Variants in UGT1A5 observed in about 807,000 individuals in gnomAD.
UGT1A5 encodes UDP glucuronosyltransferase family 1 member A5.
In UGT1A5, 29 loss-of-function variants were observed where a neutral mutation model predicts 40.3. The observed-to-expected ratio is 0.72, with a 90% CI of 0.54 to 0.98. The LOEUF is 0.98. UGT1A5 is among the 50% of genes least tolerant of loss of function. The pLI, the probability that UGT1A5 is intolerant of heterozygous loss-of-function variation, is 0.00. For synonymous variants in UGT1A5, 257 were observed against 262.5 expected (o/e 0.98, Z 0.20); for missense variants, 678 against 677.9 (o/e 1.00, Z 0.00).
At position 233,747,709 on chromosome 2, in the gene UGT1A5, C is replaced by G. The variant is rs1194057066; in HGVS notation, c.868-19325C>G. On this transcript the variant is annotated intron_variant, in intron 1 of 4. Transcript: ENST00000373414. ...GGGGCAGTGCTGGCTAAGTACCTAT[C>G]AATTCCTGCTGTGTTTTTTTTGAGG... 13 of 1,612,750 alleles carry G rather than the reference C, an allele frequency of 8.1e-6. No individual in the cohort carries two copies. The African/African-American group carries it at 1.5e-4, about 18-fold the overall frequency.
chr2:233,755,190 G>A, intron 1 of UGT1A5: 9 of 1,160,210 alleles, frequency 7.8e-6, no homozygotes, highest in Non-Finnish European at 7.2e-6. Context: ...CCACTTGAGC[G>A]CCAGCTTGCG....
intron 1 of UGT1A5, among the ~76,000 whole-genome samples, chr2:233,735,445 G>A (rs1440470115): frequency 6.6e-6 from 1 of 152,036 alleles, no homozygotes; most frequent in Non-Finnish European, 1.5e-5. Flanking sequence ...GCATACCGAT[G>A]GGCCTTGACT....
rs542562674 is a variant in UGT1A5, at chr2:233,763,721, C to G, written c.868-3313C>G. 2.0e-5 allele frequency among the ~76,000 whole-genome samples: 3 copies of G among 152,262 alleles called. No homozygotes were observed. The South Asian group carries it at 6.2e-4, about 32-fold the overall frequency. On this transcript the variant is annotated intron_variant, in intron 1 of 4. Coordinates refer to ENST00000373414, the MANE Select transcript of UGT1A5 (RefSeq NM_019078.2). Reference sequence around the variant, plus strand: ...TGCACAAAGAAGTCCATAGAGAAAGCACAACCTGGCATTGGCGTGTCTTTG... The same window carrying G: ...TGCACAAAGAAGTCCATAGAGAAAGGACAACCTGGCATTGGCGTGTCTTTG...
At chr2:233,736,293 T>C (rs1349532860) in intron 1 of UGT1A5, among the ~76,000 whole-genome samples, 2 of 152,248 alleles carry the variant, frequency 1.3e-5, no homozygotes, top group Admixed American at 1.3e-4. Flanking sequence ...TTCTTCCAGT[T>C]GCTCTAATCA....
chr2:233,771,578 C>T (rs531656313), intron 4 of UGT1A5: 100 of 152,372 alleles, frequency 6.6e-4, no homozygotes, highest in African/African-American at 2.3e-3. Flanking sequence ...TGGTTGTTTA[C>T]AACTTCAAAT....
chr2:233,729,985 C>G, intron 1 of UGT1A5: 1 of 1,614,044 alleles, frequency 6.2e-7, no homozygotes. Flanking sequence ...CAGGAAGCCA[C>G]TATCTCAGGT....
chr2:233,724,889 T>A lies in UGT1A5; in HGVS notation c.867+11031T>A, dbSNP rs2077329092. On this transcript the variant is annotated intron_variant, in intron 1 of 4. Coordinates refer to ENST00000373414, the MANE Select transcript of UGT1A5 (RefSeq NM_019078.2). The stretch of plus-strand genomic sequence containing the variant: ...TTGTAGTGAGCGGAGATCACGCCAC[T>A]GCACTCCAGCCTGGGCACCATTGAG... 1.5e-5 allele frequency among the ~76,000 whole-genome samples: 2 copies of A among 135,370 alleles called. 1 individual carries two copies. Among genetic ancestry groups the A allele is most frequent in the Non-Finnish European group, 3.1e-5 (2 of 64,272 alleles). The allele number at this position is 135,370 out of a possible 152,430, so 88.8% of individuals were successfully genotyped here. A position where few individuals can be genotyped will look rare whatever the true frequency, so the allele number is the denominator to read the frequency against.
intron 1 of UGT1A5, among the ~76,000 whole-genome samples, chr2:233,759,124 T>C (rs184414791): frequency 7.2e-5 from 11 of 152,358 alleles, no homozygotes; most frequent in Admixed American, 2.6e-4. Flanking sequence ...AGTTACAGCC[T>C]CTGGTACGCA....
At chr2:233,734,786 A>T (rs2078566040) in intron 1 of UGT1A5, among the ~76,000 whole-genome samples, 1 of 152,216 alleles carries the variant, frequency 6.6e-6, no homozygotes, top group Non-Finnish European at 1.5e-5. Context: ...GTAGTCATTC[A>T]GGAGCAGGTT....
Position 233,725,059 on chromosome 2 carries a change from C to G in UGT1A5, c.867+11201C>G, listed in dbSNP as rs1273678780. Among the ~76,000 whole-genome samples the G allele has an allele frequency of 1.3e-3, 185 of 147,066 alleles. 18 individuals carry two copies. In the East Asian group the frequency reaches 0.027, roughly 21 times the overall value. ...AAAACCAGTCAGGCGTGGCGGCGCG[C>G]GCCTGCAATCGCAGGCACTCGGCAG... On this transcript the variant is annotated intron_variant, in intron 1 of 4. Coordinates refer to ENST00000373414, the MANE Select transcript of UGT1A5 (RefSeq NM_019078.2).
chr2:233,761,556 C>T (rs1005029875), intron 1 of UGT1A5, among the ~76,000 whole-genome samples: 3 of 152,166 alleles, frequency 2.0e-5, no homozygotes, highest in African/African-American at 7.2e-5. Flanking sequence ...GATGATAGAT[C>T]CTGGAAATGA....
At chr2:233,723,213 CTTTT>C (rs201420005) in intron 1 of UGT1A5, among the ~76,000 whole-genome samples, 3 of 88,884 alleles carry the variant, frequency 3.4e-5, no homozygotes, top group African/African-American at 5.6e-5. Context: ...TCAAAACTGA[CTTTT>C]TTTTTTTTTT....
intron 1 of UGT1A5, among the ~76,000 whole-genome samples, chr2:233,759,703 C>T (rs1054711590): frequency 1.3e-5 from 2 of 150,732 alleles, no homozygotes; most frequent in African/African-American, 4.9e-5. Context: ...CCTCATGGCG[C>T]GTGCTCGTGT....
rs769416194 is a variant in UGT1A5 at position 233,748,156 on chromosome 2, T to A, written c.868-18878T>A. On this transcript the variant is annotated intron_variant, in intron 1 of 4. Coordinates refer to ENST00000373414, the MANE Select transcript of UGT1A5 (RefSeq NM_019078.2). ...AAAATTGTATTTACTTACAATTGCT[T>A]CCATATCTACTTATCTTTCTGGTGC... is the stretch of plus-strand genomic sequence containing the variant. The A allele has an allele frequency of 2.7e-4, 434 of 1,601,764 alleles. 1 individual carries two copies. Among genetic ancestry groups the A allele is most frequent in the Non-Finnish European group, 3.4e-4 (402 of 1,173,972 alleles).
At chr2:233,734,121 T>TAAA (rs1021409062) in intron 1 of UGT1A5, among the ~76,000 whole-genome samples, 6 of 151,862 alleles carry the variant, frequency 4.0e-5, no homozygotes, top group African/African-American at 1.5e-4. Context: ...ATAATAATAA[T>TAAA]AAAAAGAATT....
chr2:233,718,839 G>A, intron 1 of UGT1A5: 1 of 1,613,658 alleles, frequency 6.2e-7, no homozygotes, highest in Non-Finnish European at 8.5e-7. Context: ...AGGACTCCAG[G>A]TTCCCCTGCC....
intron 1 of UGT1A5, chr2:233,721,987 C>T (rs1035516848): frequency 1.5e-5 from 4 of 261,572 alleles, no homozygotes; most frequent in Non-Finnish European, 2.3e-5. Flanking sequence ...GGTAGTTTCA[C>T]GAATGTCCTT....
intron 1 of UGT1A5, chr2:233,760,991 C>T (rs1247729976): frequency 1.2e-6 from 2 of 1,614,072 alleles, no homozygotes; most frequent in Non-Finnish European, 1.7e-6. Flanking sequence ...ACCCTTGCCT[C>T]AGAATTCCTT....
chr2:233,754,791 C>T (rs1377566295), intron 1 of UGT1A5: 10 of 1,204,840 alleles, frequency 8.3e-6, no homozygotes, highest in Non-Finnish European at 1.0e-5. Context: ...GGAACGAAAT[C>T]CTGTATCAAA....
Sources: gnomAD v4.1 joint callset for allele counts (sites outside exome capture counted in the v4.1 genomes callset) on GRCh38, gnomAD v4.1.1 for gene constraint, MANE v1.5 for transcripts, NCBI Gene and HGNC (gene_info 2026-07-23, HGNC 2026-07-21) for gene names.